The following PDSS2 variants were observed in gnomAD, a reference collection of about 807,000 sequenced individuals.
PDSS2 encodes decaprenyl diphosphate synthase subunit 2.
A neutral mutation model predicts 44.5 loss-of-function variants in PDSS2; 31 were observed. The observed-to-expected ratio is 0.70, with a 90% CI of 0.52 to 0.94. PDSS2 has a LOEUF of 0.94. Ranked by LOEUF, PDSS2 falls within the 40% of genes least tolerant of loss-of-function variation. PDSS2 has a pLI of 0.00. For synonymous variants in PDSS2, 157 were observed against 180.3 expected (o/e 0.87, Z 1.03); for missense variants, 452 against 482.2 (o/e 0.94, Z 0.59).
intron 4 of PDSS2, among the ~76,000 whole-genome samples, chr6:107,230,929 C>T (rs531388492): frequency 1.2e-4 from 19 of 152,160 alleles, no homozygotes; most frequent in African/African-American, 4.1e-4. Context: ...ATTCAGGAGG[C>T]GGGGCACGGT....
intron 7 of PDSS2, among the ~76,000 whole-genome samples, chr6:107,174,474 C>T (rs549926841): frequency 2.0e-5 from 3 of 152,280 alleles, no homozygotes; most frequent in South Asian, 4.1e-4. Flanking sequence ...TGAAACTCTT[C>T]GCCAGTGTGA....
intron 1 of PDSS2, among the ~76,000 whole-genome samples, chr6:107,342,012 G>T (rs1778096501): frequency 1.3e-5 from 2 of 151,922 alleles, no homozygotes; most frequent in Admixed American, 1.3e-4. Flanking sequence ...AGTAACAGAG[G>T]TGCCAAAATT....
chr6:107,421,152 C>A (rs2114701315), intron 1 of PDSS2, among the ~76,000 whole-genome samples: 1 of 152,282 alleles, frequency 6.6e-6, no homozygotes, highest in East Asian at 1.9e-4. Flanking sequence ...TACTACACAT[C>A]TATTAGAATG....
intron 3 of PDSS2, among the ~76,000 whole-genome samples, chr6:107,266,652 A>G (rs1582869601): frequency 6.6e-6 from 1 of 152,240 alleles, no homozygotes; most frequent in East Asian, 1.9e-4. Flanking sequence ...CTGAAGGGGA[A>G]GGAAATGCCA....
chr6:107,350,152 TCA>T (rs1778386893), intron 1 of PDSS2, among the ~76,000 whole-genome samples: 1 of 152,196 alleles, frequency 6.6e-6, no homozygotes, highest in African/African-American at 2.4e-5. Flanking sequence ...CACCTCAATT[TCA>T]GTTTGTTCCA....
chr6:107,235,418 A>T (rs1466200613), intron 4 of PDSS2, among the ~76,000 whole-genome samples: 1 of 152,240 alleles, frequency 6.6e-6, no homozygotes, highest in Non-Finnish European at 1.5e-5. Context: ...AAAAAATTTC[A>T]AAATTCATAG....
At chr6:107,455,052 CTCTT>C (rs1410490246) in intron 1 of PDSS2, among the ~76,000 whole-genome samples, 6 of 152,006 alleles carry the variant, frequency 3.9e-5, no homozygotes, top group Non-Finnish European at 8.8e-5. Flanking sequence ...TGCAGATTAG[CTCTT>C]TCTTTTCTTA....
rs1361044121 is a variant in PDSS2 at position 107,330,985 on chromosome 6, A to G, written c.431+3213T>C. ...AAACAAAAGAGATCACCTAACTCCC[A>G]TTTGGTCCTTCAGGTAATTTACTCA... On this transcript the variant is annotated intron_variant, in intron 2 of 7. Transcript: ENST00000369037. Among the ~76,000 whole-genome samples the G allele has an allele frequency of 3.3e-5, 5 of 152,190 alleles. No individual in the cohort carries two copies. The East Asian group carries it at 9.6e-4, about 29-fold the overall frequency.
intron 1 of PDSS2, among the ~76,000 whole-genome samples, chr6:107,414,783 A>G (rs530586367): frequency 7.8e-4 from 119 of 152,218 alleles, no homozygotes; most frequent in Non-Finnish European, 1.5e-3. Context: ...AACACATAGC[A>G]TTTAGCCACA....
chr6:107,156,900 C>G (rs1554245745), intron 7 of PDSS2, among the ~76,000 whole-genome samples: 1 of 152,216 alleles, frequency 6.6e-6, no homozygotes, highest in African/African-American at 2.4e-5. Context: ...AGTTTATCCT[C>G]TACTCCTCAT....
intron 1 of PDSS2, among the ~76,000 whole-genome samples, chr6:107,396,936 C>T (rs1283702152): frequency 6.6e-6 from 1 of 152,068 alleles, no homozygotes; most frequent in Non-Finnish European, 1.5e-5. Flanking sequence ...AAGTGATCCT[C>T]CCACCTTAGT....
intron 7 of PDSS2, among the ~76,000 whole-genome samples, chr6:107,170,958 C>A (rs1396086442): frequency 6.6e-6 from 1 of 152,096 alleles, no homozygotes; most frequent in East Asian, 1.9e-4. Context: ...GTCTTTGCAA[C>A]AATCAAATTA....
At chr6:107,294,505 G>T (rs1776447814) in intron 2 of PDSS2, among the ~76,000 whole-genome samples, 1 of 151,572 alleles carries the variant, frequency 6.6e-6, no homozygotes, top group South Asian at 2.1e-4. Flanking sequence ...CCTCAGCCTC[G>T]TGAGTAGCTA....
chr6:107,200,974 T>C (rs1324904246), intron 6 of PDSS2, among the ~76,000 whole-genome samples: 1 of 152,070 alleles, frequency 6.6e-6, no homozygotes, highest in Non-Finnish European at 1.5e-5. Context: ...CAGAGCAAGA[T>C]ATTATTAAAA....
intron 2 of PDSS2, among the ~76,000 whole-genome samples, chr6:107,330,212 A>G (rs1777670547): frequency 6.6e-6 from 1 of 152,084 alleles, no homozygotes; most frequent in South Asian, 2.1e-4. Context: ...CTGCTTAAGG[A>G]GTATTACAGA....
chr6:107,160,702 A>C (rs910262670), intron 7 of PDSS2, among the ~76,000 whole-genome samples: 1 of 151,008 alleles, frequency 6.6e-6, no homozygotes, highest in African/African-American at 2.4e-5. Context: ...AGTAGCAAGG[A>C]AATTGTAGGG....
intron 7 of PDSS2, among the ~76,000 whole-genome samples, chr6:107,168,170 G>T (rs1201025921): frequency 6.6e-6 from 1 of 152,156 alleles, no homozygotes; most frequent in Non-Finnish European, 1.5e-5. Flanking sequence ...CCTGTATTGG[G>T]TGCATATATA....
chr6:107,421,102 A>G (rs1780810967), intron 1 of PDSS2, among the ~76,000 whole-genome samples: 1 of 152,234 alleles, frequency 6.6e-6, no homozygotes, highest in Admixed American at 6.5e-5. Context: ...AACGTTCGAC[A>G]TCATTAGGCA....
chr6:107,256,435 A>C (rs1360326255), intron 3 of PDSS2, among the ~76,000 whole-genome samples: 1 of 152,160 alleles, frequency 6.6e-6, no homozygotes, highest in Non-Finnish European at 1.5e-5. Context: ...TTTGGGTAAC[A>C]CAGTTCACTT....
Sources: allele counts gnomAD v4.1 joint callset (sites outside exome capture counted in the v4.1 genomes callset), GRCh38; gene constraint gnomAD v4.1.1; transcripts MANE v1.5; gene names NCBI Gene and HGNC (gene_info 2026-07-23, HGNC 2026-07-21).